The following ENOX2 variants were observed in gnomAD, a reference collection of about 807,000 sequenced individuals.
ENOX2 encodes the protein ecto-NOX disulfide-thiol exchanger 2.
In ENOX2, 36 loss-of-function variants were observed where a neutral mutation model predicts 45.0. The ratio of observed to expected loss-of-function variants is 0.80; its 90% CI spans 0.61 to 1.06. The LOEUF is 1.06. Among genes scored for constraint, ENOX2 ranks in the 50% least tolerant of loss-of-function variants. ENOX2 has a pLI of 0.00. For missense variants in ENOX2, 423 were observed against 462.5 expected (o/e 0.91, Z 0.78); for synonymous variants, 174 against 152.3 (o/e 1.14, Z -1.05).
At chrX:130,897,953 G>T (rs902511495) in intron 2 of ENOX2, among the ~76,000 whole-genome samples, 1 of 111,941 alleles carries the variant, frequency 8.9e-6, no homozygotes, top group Non-Finnish European at 1.9e-5. Context: ...GTGTTGGGGG[G>T]TGGAAGGTAT....
rs368932740 is a variant in ENOX2, at chrX:130,838,426, T to C, written c.-182-54736A>G. Among the ~76,000 whole-genome samples the C allele has an allele frequency of 3.6e-5, 4 of 111,438 alleles. No homozygotes were observed. In the Admixed American group the frequency reaches 3.8e-4, roughly 11 times the overall value. On this transcript the variant is annotated intron_variant, in intron 2 of 14. Coordinates refer to ENST00000394363, the MANE Select transcript of ENOX2 (RefSeq NM_006375.4). ...AAACCAACAACAACAAAAAAGAAGATAACTCCTACTGTACAGGGTGGCTGT... is the reference window on the plus strand; with the variant it reads ...AAACCAACAACAACAAAAAAGAAGACAACTCCTACTGTACAGGGTGGCTGT...
intron 2 of ENOX2, among the ~76,000 whole-genome samples, chrX:130,884,869 T>A (rs766014984): frequency 1.3e-4 from 15 of 111,657 alleles, no homozygotes; most frequent in African/African-American, 4.9e-4. Flanking sequence ...CACTTCACAT[T>A]CATAGCCAGT....
chrX:130,737,491 G>A (rs2038889404), intron 3 of ENOX2, among the ~76,000 whole-genome samples: 1 of 112,018 alleles, frequency 8.9e-6, no homozygotes, highest in Non-Finnish European at 1.9e-5. Flanking sequence ...ACTTACTTCT[G>A]AAATGCTTCC....
Position 130,625,049 on chromosome X carries a change from T to C in ENOX2, c.*265A>G. On this transcript the variant is annotated 3_prime_UTR_variant, in exon 15 of 15. Transcript: ENST00000394363. ...AAAACACTCCAAATACTGTTTAGCA[T>C]CAGGACTTTTGCAATATTTAAAGAC... 1 of 293,339 alleles carries C rather than the reference T, an allele frequency of 3.4e-6. No individual in the cohort carries two copies. Among genetic ancestry groups the C allele is most frequent in the Admixed American group, 5.6e-5 (1 of 17,918 alleles). 24.2% of individuals were successfully genotyped at this position (293,339 alleles called of 1,213,427 possible).
At chrX:130,750,027 TTCTC>T (rs1305883722) in intron 3 of ENOX2, among the ~76,000 whole-genome samples, 1 of 110,384 alleles carries the variant, frequency 9.1e-6, no homozygotes, top group Non-Finnish European at 1.9e-5. Flanking sequence ...TCTTTCTTTC[TTCTC>T]TCTCTCTGTT....
intron 2 of ENOX2, among the ~76,000 whole-genome samples, chrX:130,893,392 G>A (rs1252068017): frequency 4.5e-5 from 5 of 112,119 alleles, no homozygotes; most frequent in African/African-American, 1.3e-4. Context: ...CACTGTGCTA[G>A]GCACTTTGGG....
At chrX:130,646,924 G>T (rs747416923) in intron 10 of ENOX2, among the ~76,000 whole-genome samples, 59 of 111,846 alleles carry the variant, frequency 5.3e-4, no homozygotes, top group South Asian at 1.5e-3. Flanking sequence ...TTTGTATTTC[G>T]ACAGTATCAA....
intron 10 of ENOX2, among the ~76,000 whole-genome samples, chrX:130,647,356 G>C (rs930277973): frequency 1.8e-5 from 2 of 112,186 alleles, no homozygotes; most frequent in African/African-American, 6.5e-5. Context: ...TAAATGTTTA[G>C]TTTCCCTATT....
intron 3 of ENOX2, among the ~76,000 whole-genome samples, chrX:130,718,070 T>C: frequency 9.0e-6 from 1 of 110,722 alleles, no homozygotes; most frequent in South Asian, 4.0e-4. Context: ...CCTCCTTCTC[T>C]CTCTCTTTCT....
Position 130,635,105 on chromosome X carries a change from C to T in ENOX2, c.1312-14G>A. On this transcript the variant is annotated splice_polypyrimidine_tract_variant and intron_variant, in intron 11 of 14. Transcript: ENST00000394363. ...TTTGAGTAGATGCTACAAGAAAAGA[C>T]CAAAGACAATCAATTTATGAATTAC... 1.0e-6 allele frequency: 1 copy of T among 962,553 alleles called. No individual in the cohort carries two copies. Among genetic ancestry groups the T allele is most frequent in the South Asian group, 2.1e-5 (1 of 46,637 alleles). 79.3% of individuals were successfully genotyped at this position (962,553 alleles called of 1,213,427 possible).
At chrX:130,721,822 G>A (rs1489392109) in intron 3 of ENOX2, among the ~76,000 whole-genome samples, 1 of 111,867 alleles carries the variant, frequency 8.9e-6, no homozygotes, top group Admixed American at 9.5e-5. Context: ...CTTTCTATAG[G>A]ACCTATTCTC....
intron 2 of ENOX2, among the ~76,000 whole-genome samples, chrX:130,800,175 G>A (rs761424851): frequency 9.0e-6 from 1 of 111,016 alleles, no homozygotes; most frequent in East Asian, 2.8e-4. Context: ...AAAACACACT[G>A]ACATAATGAC....
intron 2 of ENOX2, among the ~76,000 whole-genome samples, chrX:130,897,419 G>A (rs942504175): frequency 1.8e-5 from 2 of 112,094 alleles, no homozygotes; most frequent in African/African-American, 6.5e-5. Context: ...GGAAAATAAA[G>A]AAAACAGAGT....
rs185776749 is a variant in ENOX2 at position 130,670,555 on chromosome X, G to A, written c.461-357C>T. Among the ~76,000 whole-genome samples the A allele has an allele frequency of 2.4e-4, 27 of 110,734 alleles. No homozygotes were observed. In the Admixed American group the frequency reaches 2.6e-3, roughly 11 times the overall value. On this transcript the variant is annotated intron_variant, in intron 6 of 14. Coordinates refer to ENST00000394363, the MANE Select transcript of ENOX2 (RefSeq NM_006375.4). Reference sequence around the variant, plus strand: ...AAGCATGATCGTTATATGGCACCAAGGGCTGGGAAGAATGGAAAAGGTGGC... The same window carrying A: ...AAGCATGATCGTTATATGGCACCAAAGGCTGGGAAGAATGGAAAAGGTGGC...
intron 10 of ENOX2, among the ~76,000 whole-genome samples, chrX:130,647,666 T>TA (rs1323484991): frequency 2.7e-5 from 3 of 112,470 alleles, no homozygotes; most frequent in Non-Finnish European, 5.6e-5. Flanking sequence ...ATTCCTTCAC[T>TA]AACCTCAGGA....
chrX:130,745,550 T>C lies in ENOX2; in HGVS notation c.-39+37997A>G, dbSNP rs146965742. ...TCAGAACAATGTGTTTGAAGAGCTA[T>C]TGGAGAATAAAAAGGCACAGTAAAA... On this transcript the variant is annotated intron_variant, in intron 3 of 14. Transcript: ENST00000394363. Among the ~76,000 whole-genome samples the C allele has an allele frequency of 8.9e-5, 10 of 112,214 alleles. No individual in the cohort carries two copies. In the East Asian group the frequency reaches 2.5e-3, roughly 28 times the overall value.
chrX:130,735,420 T>C (rs1016733923), intron 3 of ENOX2, among the ~76,000 whole-genome samples: 1 of 112,014 alleles, frequency 8.9e-6, no homozygotes, highest in African/African-American at 3.2e-5. Context: ...GGCAAAGCTG[T>C]TATTTAATGA....
Position 130,625,028 on chromosome X carries a change from C to T in ENOX2, c.*286G>A, listed in dbSNP as rs1208672994. On this transcript the variant is annotated 3_prime_UTR_variant, in exon 15 of 15. Coordinates refer to ENST00000394363, the MANE Select transcript of ENOX2 (RefSeq NM_006375.4). ...ACAACAGTAGTACAGACACTGAAAACACTCCAAATACTGTTTAGCATCAGG... is the reference window on the plus strand; with the variant it reads ...ACAACAGTAGTACAGACACTGAAAATACTCCAAATACTGTTTAGCATCAGG... The T allele has an allele frequency of 4.3e-6, 1 of 230,440 alleles. No homozygotes were observed. The highest frequency in any genetic ancestry group is 6.6e-5 in the Admixed American group (1 of 15,060). The allele number at this position is 230,440 out of a possible 1,213,427, so 19.0% of individuals were successfully genotyped here. A position where few individuals can be genotyped will look rare whatever the true frequency, so the allele number is the denominator to read the frequency against.
At chrX:130,802,558 C>A (rs753008701) in intron 2 of ENOX2, among the ~76,000 whole-genome samples, 1 of 111,914 alleles carries the variant, frequency 8.9e-6, no homozygotes, top group East Asian at 2.8e-4. Flanking sequence ...GGCATTATTA[C>A]AAAGTTAAAA....
Sources: allele counts gnomAD v4.1 joint callset (sites outside exome capture counted in the v4.1 genomes callset), GRCh38; gene constraint gnomAD v4.1.1; transcripts MANE v1.5; gene names NCBI Gene and HGNC (gene_info 2026-07-23, HGNC 2026-07-21).